Variants in RIMOC1 observed in about 807,000 individuals in gnomAD.
RIMOC1 encodes RAB7A interacting MON1-CCZ1 complex subunit 1.
the RIMOC1 span, chr5:41,904,609 G>A: frequency 9.8e-6 from 7 of 717,644 alleles, no homozygotes; most frequent in Non-Finnish European, 1.6e-5. Flanking sequence ...TGTCGCTTCT[G>A]AGCCCCTCTG....
chr5:41,910,994 T>G, the RIMOC1 span: 2 of 1,580,130 alleles, frequency 1.3e-6, no homozygotes, highest in East Asian at 4.5e-5. Flanking sequence ...TAACTTCAAC[T>G]TTTATAGACA....
the RIMOC1 span, chr5:41,904,541 C>T: frequency 6.4e-6 from 9 of 1,405,594 alleles, no homozygotes; most frequent in African/African-American, 1.4e-5. Context: ...GCTGTGAGGG[C>T]TAGAGGCTGA....
chr5:41,911,728 A>C, the RIMOC1 span, among the ~76,000 whole-genome samples: 41 of 152,286 alleles, frequency 2.7e-4, no homozygotes, highest in Admixed American at 5.2e-4. Flanking sequence ...ATAACCACAT[A>C]CATGTTTTTA....
the RIMOC1 span, chr5:41,911,358 A>G: frequency 6.8e-6 from 3 of 440,584 alleles, no homozygotes; most frequent in African/African-American, 6.2e-5. Context: ...AAATCAGATA[A>G]CATGTGAAAG....
At chr5:41,913,166 G>A in the RIMOC1 span, among the ~76,000 whole-genome samples, 2 of 152,262 alleles carry the variant, frequency 1.3e-5, no homozygotes, top group South Asian at 4.1e-4. Context: ...GGGAATTTCA[G>A]CCAAGTCTGT....
At chr5:41,912,168 A>C in the RIMOC1 span, 1 of 1,595,110 alleles carries the variant, frequency 6.3e-7, no homozygotes, top group South Asian at 1.1e-5. Context: ...AGACACAGCT[A>C]AATTACTGAG....
chr5:41,908,911 T>C, the RIMOC1 span, among the ~76,000 whole-genome samples: 1 of 152,178 alleles, frequency 6.6e-6, no homozygotes, highest in African/African-American at 2.4e-5. Flanking sequence ...CTTAGGCCTT[T>C]CGCACGATAA....
chr5:41,916,330 A>AGT, the RIMOC1 span: 1 of 788,204 alleles, frequency 1.3e-6, no homozygotes, highest in Non-Finnish European at 1.5e-6. Flanking sequence ...CTGCCAAATT[A>AGT]ATATACTTTA....
chr5:41,915,248 A>C, the RIMOC1 span, among the ~76,000 whole-genome samples: 9 of 152,194 alleles, frequency 5.9e-5, no homozygotes, highest in African/African-American at 2.2e-4. Flanking sequence ...CTGGAATCAC[A>C]TGGAGGTAAA....
chr5:41,905,641 A>G, the RIMOC1 span, among the ~76,000 whole-genome samples: 1 of 152,238 alleles, frequency 6.6e-6, no homozygotes, highest in Non-Finnish European at 1.5e-5. Flanking sequence ...GATTCACATG[A>G]ATAATTCTTG....
the RIMOC1 span, among the ~76,000 whole-genome samples, chr5:41,907,280 T>C: frequency 6.6e-6 from 1 of 152,232 alleles, no homozygotes; most frequent in Non-Finnish European, 1.5e-5. Context: ...TGGCATTTTG[T>C]AAGGAATTTG....
At chr5:41,904,569 G>T in the RIMOC1 span, 4 of 1,118,260 alleles carry the variant, frequency 3.6e-6, no homozygotes, top group Non-Finnish European at 1.3e-6. Flanking sequence ...GTTCCTTTGG[G>T]TCCCAGGCCG....
At chr5:41,908,579 A>C in the RIMOC1 span, among the ~76,000 whole-genome samples, 3 of 152,098 alleles carry the variant, frequency 2.0e-5, no homozygotes, top group Admixed American at 2.0e-4. Flanking sequence ...AAATTTCTAA[A>C]GATAGCTTCT....
At chr5:41,907,885 T>C in the RIMOC1 span, 1 of 1,230,664 alleles carries the variant, frequency 8.1e-7, no homozygotes, top group Non-Finnish European at 1.2e-6. Context: ...TGAGGGCAGG[T>C]TGTTTATTTA....
chr5:41,916,616 G>A, the RIMOC1 span, among the ~76,000 whole-genome samples: 1 of 152,152 alleles, frequency 6.6e-6, no homozygotes, highest in East Asian at 1.9e-4. Flanking sequence ...AATAAAGGGT[G>A]TGTCCATGGA....
the RIMOC1 span, among the ~76,000 whole-genome samples, chr5:41,915,549 T>A: frequency 6.6e-6 from 1 of 152,206 alleles, no homozygotes; most frequent in African/African-American, 2.4e-5. Flanking sequence ...TTTAATGGAC[T>A]CACAGTTCCT....
chr5:41,911,118 A>G, the RIMOC1 span: 1 of 1,610,576 alleles, frequency 6.2e-7, no homozygotes, highest in Non-Finnish European at 8.5e-7. Context: ...CTGTATATGT[A>G]TTGTCATTCT....
At chr5:41,904,368 A>G in the RIMOC1 span, 7 of 1,612,774 alleles carry the variant, frequency 4.3e-6, no homozygotes, top group South Asian at 1.1e-5. Flanking sequence ...GATTGTGGCC[A>G]TGGCGGCCGC....
chr5:41,906,227 C>T, the RIMOC1 span, among the ~76,000 whole-genome samples: 1 of 152,148 alleles, frequency 6.6e-6, no homozygotes, highest in Admixed American at 6.5e-5. Flanking sequence ...ATCATACAAG[C>T]ACAATCTGTT....
Sources: gnomAD v4.1 joint callset for allele counts (sites outside exome capture counted in the v4.1 genomes callset) on GRCh38, gnomAD v4.1.1 for gene constraint, MANE v1.5 for transcripts, NCBI Gene and HGNC (gene_info 2026-07-23, HGNC 2026-07-21) for gene names.